Variants in GOT1 observed in about 807,000 individuals in gnomAD.
GOT1 encodes glutamic-oxaloacetic transaminase 1, also known as aspartate aminotransferase, cytoplasmic.
Under a neutral mutation model 48.2 loss-of-function variants are expected in GOT1, and 25 were observed. That is an observed-to-expected ratio of 0.52 (90% CI 0.38 to 0.72). The LOEUF (loss-of-function observed/expected upper bound fraction) is 0.72, where lower values mean the gene tolerates loss of function less well. Among genes scored for constraint, GOT1 ranks in the 30% least tolerant of loss-of-function variants. GOT1 has a pLI of 0.00. For missense variants in GOT1, 380 were observed against 520.1 expected (o/e 0.73, Z 2.62); for synonymous variants, 188 against 193.8 (o/e 0.97, Z 0.25).
intron 2 of GOT1, among the ~76,000 whole-genome samples, chr10:99,417,375 A>G (rs1368567629): frequency 1.3e-5 from 2 of 152,188 alleles, no homozygotes; most frequent in Non-Finnish European, 2.9e-5. Flanking sequence ...CAAAACCACA[A>G]TGAGATACCA....
chr10:99,405,758 T>C lies in GOT1; in HGVS notation c.640A>G (p.Lys214Glu), dbSNP rs1239988107. The C allele has an allele frequency of 6.6e-7, 1 of 1,516,014 alleles. No homozygotes were observed. Among genetic ancestry groups the C allele is most frequent in the East Asian group, 2.3e-5 (1 of 44,426 alleles). 93.9% of individuals were successfully genotyped at this position (1,516,014 alleles called of 1,614,324 possible). ...AGATGCTCTGAAGGGGCAGTTACCT[T>C]CATGACAGAAGCAATCTGCTTCCAC... Reference protein sequence around the residue: ...EQWKQIASVMKHRFLFPFFDS... With the variant: ...EQWKQIASVMEHRFLFPFFDS... Residue 214 changes from lysine to glutamate, a missense_variant and splice_region_variant, in exon 5 of 9, where the codon AAG (lysine) becomes GAG (glutamate). Coordinates refer to ENST00000370508, the MANE Select transcript of GOT1 (RefSeq NM_002079.3).
chr10:99,400,159 A>C (rs1411165098), intron 8 of GOT1, among the ~76,000 whole-genome samples: 1 of 152,274 alleles, frequency 6.6e-6, no homozygotes. Flanking sequence ...CAAAATACAC[A>C]TATACAATTT....
At chr10:99,398,440 C>T (rs1031530772) in intron 8 of GOT1, among the ~76,000 whole-genome samples, 1 of 152,176 alleles carries the variant, frequency 6.6e-6, no homozygotes, top group African/African-American at 2.4e-5. Flanking sequence ...GAGGCTGAGG[C>T]TGGTGGATTA....
At chr10:99,402,861 G>C (rs565310714) in intron 7 of GOT1, 139 bp from the exon 8 acceptor site, 1 of 678,744 alleles carries the variant, frequency 1.5e-6, no homozygotes, top group African/African-American at 1.8e-5. Context: ...TGGATGTCTG[G>C]ATGGGTGGAT....
chr10:99,423,343 T>C (rs2032995972), intron 1 of GOT1, among the ~76,000 whole-genome samples: 1 of 152,256 alleles, frequency 6.6e-6, no homozygotes, highest in Non-Finnish European at 1.5e-5. Flanking sequence ...AACATTGTGA[T>C]AAATGTTCAT....
intron 8 of GOT1, 95 bp downstream of exon 8, chr10:99,402,485 G>A: frequency 1.5e-6 from 2 of 1,351,504 alleles, no homozygotes; most frequent in Non-Finnish European, 2.1e-6. Flanking sequence ...ATTAGGCAAA[G>A]GCTGTGAAAG....
chr10:99,427,362 G>A (rs2033052295), intron 1 of GOT1, among the ~76,000 whole-genome samples: 1 of 152,120 alleles, frequency 6.6e-6, no homozygotes. Context: ...TCCGCCTCCT[G>A]GGTTCACGCC....
chr10:99,416,025 C>T (rs530492632), intron 2 of GOT1, among the ~76,000 whole-genome samples: 46 of 152,260 alleles, frequency 3.0e-4, no homozygotes, highest in African/African-American at 1.1e-3. Context: ...CCTTTGAAAA[C>T]GGGCACAAGA....
At chr10:99,429,318 G>GATT (rs1385274438) in intron 1 of GOT1, among the ~76,000 whole-genome samples, 1 of 150,924 alleles carries the variant, frequency 6.6e-6, no homozygotes, top group Non-Finnish European at 1.5e-5. Flanking sequence ...AAAGTGCTGG[G>GATT]ATTACAGGCC....
chr10:99,403,607 A>T lies in GOT1; in HGVS notation c.821T>A (p.Val274Asp), dbSNP rs377363515. ...YNERVGNLTV[V>D]GKEPESILQV... Reference sequence around the variant, plus strand: ...CAGGATGCTCTCAGGTTCTTTTCCAACCACAGTCAGATTCCCGACTCTCTC... The same window carrying T: ...CAGGATGCTCTCAGGTTCTTTTCCATCCACAGTCAGATTCCCGACTCTCTC... The change falls in exon 7 of 9, where the codon GTT becomes GAT. Residue 274 changes from valine (V) to aspartate (D), a missense_variant. By Grantham distance (152) the Val-to-Asp change is radical. Coordinates refer to ENST00000370508, the MANE Select transcript of GOT1 (RefSeq NM_002079.3). 3.7e-6 allele frequency: 6 copies of T among 1,614,108 alleles called. No homozygotes were observed. Among genetic ancestry groups the T allele is most frequent in the Non-Finnish European group, 5.1e-6 (6 of 1,179,992 alleles).
chr10:99,401,359 T>A (rs1275595537), intron 8 of GOT1, among the ~76,000 whole-genome samples: 1 of 152,182 alleles, frequency 6.6e-6, no homozygotes, highest in Non-Finnish European at 1.5e-5. Context: ...TTATATTTAT[T>A]TCCTTTGGAT....
chr10:99,403,700 G>A, intron 6 of GOT1, 24 bp downstream of exon 6: 2 of 1,613,842 alleles, frequency 1.2e-6, no homozygotes, highest in East Asian at 2.2e-5. Flanking sequence ...AGGTGGGGCT[G>A]TAACTCCTCA....
chr10:99,427,869 G>A (rs1316756686), intron 1 of GOT1, among the ~76,000 whole-genome samples: 3 of 152,142 alleles, frequency 2.0e-5, no homozygotes, highest in African/African-American at 7.2e-5. Flanking sequence ...TCCAGTCTTC[G>A]GCTTCCTTGC....
At chr10:99,416,219 A>G (rs945634522) in intron 2 of GOT1, among the ~76,000 whole-genome samples, 1 of 152,206 alleles carries the variant, frequency 6.6e-6, no homozygotes, top group Non-Finnish European at 1.5e-5. Flanking sequence ...AAATCTCCTT[A>G]AGCTGATGAG....
intron 8 of GOT1, among the ~76,000 whole-genome samples, chr10:99,400,212 C>T (rs2032653651): frequency 6.6e-6 from 1 of 152,180 alleles, no homozygotes; most frequent in African/African-American, 2.4e-5. Context: ...CCTAAACGTA[C>T]ATCCAGGGAT....
intron 1 of GOT1, among the ~76,000 whole-genome samples, chr10:99,427,288 A>C (rs2134111568): frequency 6.6e-6 from 1 of 152,080 alleles, no homozygotes; most frequent in Non-Finnish European, 1.5e-5. Context: ...TTTATTTTTG[A>C]GACGGAGTCT....
chr10:99,403,554 C>T lies in GOT1; in HGVS notation c.874G>A (p.Val292Met), dbSNP rs757289951. The change falls in exon 7 of 9, where the codon GTG (valine) becomes ATG (methionine). Residue 292 changes from valine (V) to methionine (M), a missense_variant. Coordinates refer to ENST00000370508, the MANE Select transcript of GOT1 (RefSeq NM_002079.3). ...GGGGGATTGGACCAAGTAATCCGCACGATCTTCTCCATCTGGGAAAGGACT... is the reference window on the plus strand; with the variant it reads ...GGGGGATTGGACCAAGTAATCCGCATGATCTTCTCCATCTGGGAAAGGACT... ...LQVLSQMEKI[V>M]RITWSNPPAQ... The T allele has an allele frequency of 1.4e-5, 22 of 1,613,958 alleles. No homozygotes were observed. The highest frequency in any genetic ancestry group is 2.7e-5 in the African/African-American group (2 of 74,914).
chr10:99,419,820 G>A (rs1245656588), intron 2 of GOT1, among the ~76,000 whole-genome samples: 1 of 152,138 alleles, frequency 6.6e-6, no homozygotes, highest in Admixed American at 6.5e-5. Flanking sequence ...TTCAGCTCAA[G>A]TGCCATCTCC....
At position 99,406,041 on chromosome 10, in the gene GOT1, G is replaced by A. The variant is rs545453548; in HGVS notation, c.537+96C>T. ...GAAACCACCATCAGGTATGGGGAAGGTGTCTCAGACTCCTTCACTTAGCAA... is the reference window on the plus strand; with the variant it reads ...GAAACCACCATCAGGTATGGGGAAGATGTCTCAGACTCCTTCACTTAGCAA... On this transcript the variant is annotated intron_variant, in intron 4 of 8. Transcript: ENST00000370508. 75 of 853,196 alleles carry A rather than the reference G, an allele frequency of 8.8e-5. No homozygotes were observed. The South Asian group carries it at 1.0e-3, about 11-fold the overall frequency. 52.9% of individuals were successfully genotyped at this position (853,196 alleles called of 1,614,324 possible).
Sources: gnomAD v4.1 joint callset for allele counts (sites outside exome capture counted in the v4.1 genomes callset) on GRCh38, gnomAD v4.1.1 for gene constraint, MANE v1.5 for transcripts, NCBI Gene and HGNC (gene_info 2026-07-23, HGNC 2026-07-21) for gene names.